The following RPF2 variants were observed in gnomAD, a reference collection of about 807,000 sequenced individuals.
RPF2 encodes brix domain containing 1.
A neutral mutation model predicts 38.9 loss-of-function variants in RPF2; 21 were observed. The ratio of observed to expected loss-of-function variants is 0.54; its 90% CI spans 0.38 to 0.78. RPF2 has a LOEUF of 0.78. RPF2 is among the 30% of genes least tolerant of loss of function. The pLI is 0.00. For synonymous variants in RPF2, 121 were observed against 126.2 expected (o/e 0.96, Z 0.28); for missense variants, 314 against 358.1 (o/e 0.88, Z 0.99).
intron 8 of RPF2, among the ~76,000 whole-genome samples, chr6:111,017,640 A>G (rs62421861): frequency 1.4e-5 from 2 of 144,116 alleles, no homozygotes; most frequent in African/African-American, 2.7e-5. Context: ...GGCGCTCCCC[A>G]CATCTCAGAC....
intron 8 of RPF2, among the ~76,000 whole-genome samples, chr6:111,021,762 G>A (rs888179811): frequency 6.6e-6 from 1 of 152,082 alleles, no homozygotes; most frequent in African/African-American, 2.4e-5. Flanking sequence ...GCATTCTTTG[G>A]GCTAGCTATA....
intron 5 of RPF2, 39 bp downstream of exon 5, chr6:110,997,303 G>A (rs1189733539): frequency 8.0e-7 from 1 of 1,247,332 alleles, no homozygotes; most frequent in Non-Finnish European, 1.2e-6. Context: ...CACTGATAGA[G>A]TCAATTTGTT....
At chr6:111,000,586 A>G (rs540175352) in intron 6 of RPF2, among the ~76,000 whole-genome samples, 1 of 152,294 alleles carries the variant, frequency 6.6e-6, no homozygotes, top group African/African-American at 2.4e-5. Context: ...AAAGTAGTAA[A>G]TGGTAGTAAA....
intron 6 of RPF2, among the ~76,000 whole-genome samples, chr6:111,007,036 C>T (rs759553710): frequency 5.3e-5 from 8 of 151,544 alleles, no homozygotes; most frequent in African/African-American, 1.7e-4. Flanking sequence ...AGTGAAAGTC[C>T]GTCTCAAAAA....
intron 3 of RPF2, among the ~76,000 whole-genome samples, chr6:110,989,945 C>CT (rs201578164): frequency 0.031 from 3,538 of 113,768 alleles, 117 homozygotes; most frequent in African/African-American, 0.11. Context: ...TCTTTCTTTT[C>CT]TTTTTTTTTT....
At chr6:110,989,274 A>G (rs1771577258) in intron 3 of RPF2, among the ~76,000 whole-genome samples, 1 of 152,034 alleles carries the variant, frequency 6.6e-6, no homozygotes, top group Non-Finnish European at 1.5e-5. Context: ...TATATATTTT[A>G]TTTTGAAATA....
intron 4 of RPF2, among the ~76,000 whole-genome samples, chr6:110,994,930 G>T (rs1185430198): frequency 6.6e-6 from 1 of 151,642 alleles, no homozygotes; most frequent in Non-Finnish European, 1.5e-5. Flanking sequence ...ATTGAGACAG[G>T]GTCTCACTCT....
intron 7 of RPF2, among the ~76,000 whole-genome samples, chr6:111,011,215 G>T (rs141935144): frequency 2.0e-4 from 31 of 152,036 alleles, no homozygotes; most frequent in Non-Finnish European, 3.7e-4. Flanking sequence ...ATTCATACAT[G>T]AAAGACAATG....
chr6:110,982,191 G>T, intron 1 of RPF2, 62 bp downstream of exon 1: 1 of 1,574,796 alleles, frequency 6.4e-7, no homozygotes, highest in South Asian at 1.1e-5. Flanking sequence ...TGATGAGGGT[G>T]GTACTGTCTC....
chr6:111,014,285 A>G (rs1374616013), intron 7 of RPF2, among the ~76,000 whole-genome samples: 1 of 151,792 alleles, frequency 6.6e-6, no homozygotes, highest in African/African-American at 2.4e-5. Flanking sequence ...GGCACTTGCC[A>G]CCACACCTGG....
chr6:110,998,980 A>G (rs12193655), intron 5 of RPF2, among the ~76,000 whole-genome samples: 13,698 of 151,940 alleles, frequency 0.09, 692 homozygotes, highest in Middle Eastern at 0.13. Flanking sequence ...TCGGTCAGCA[A>G]GTAAAGAATG....
intron 4 of RPF2, among the ~76,000 whole-genome samples, chr6:110,993,479 C>T (rs1037085461): frequency 3.3e-5 from 5 of 151,972 alleles, no homozygotes; most frequent in African/African-American, 1.2e-4. Flanking sequence ...TTTTTACAGT[C>T]ATTTGTTGAA....
intron 6 of RPF2, among the ~76,000 whole-genome samples, 156 bp from the exon 7 acceptor site, chr6:111,007,882 G>A (rs1004128011): frequency 6.6e-6 from 1 of 152,166 alleles, no homozygotes; most frequent in Non-Finnish European, 1.5e-5. Context: ...GGGAGGTGGA[G>A]GTTGCAGTGA....
rs1216446778 is a variant in RPF2, at chr6:111,027,800, A to G, written c.*2218A>G. ...TCCTATTTGCTGATAGAAGTACCAA[A>G]TAGTATTATTGAAGTCTAACAAAGA... On this transcript the variant is annotated 3_prime_UTR_variant, in exon 10 of 10. Coordinates refer to ENST00000441448, the MANE Select transcript of RPF2 (RefSeq NM_032194.3). The G allele has an allele frequency of 6.6e-6, 1 of 152,236 alleles. No individual in the cohort carries two copies. Among genetic ancestry groups the G allele is most frequent in the African/African-American group, 2.4e-5 (1 of 41,462 alleles). 9.4% of individuals were successfully genotyped at this position (152,236 alleles called of 1,614,324 possible). A position where few individuals can be genotyped will look rare whatever the true frequency, so the allele number is the denominator to read the frequency against.
chr6:111,008,624 T>G (rs9374243), intron 7 of RPF2, among the ~76,000 whole-genome samples: 19,624 of 152,094 alleles, frequency 0.13, 1,759 homozygotes, highest in East Asian at 0.5. Flanking sequence ...ATTTCAAGAT[T>G]GTTTGTATCA....
At chr6:111,015,888 C>T (rs1333506762) in intron 8 of RPF2, 32 bp downstream of exon 8, 1 of 1,466,204 alleles carries the variant, frequency 6.8e-7, no homozygotes, top group Non-Finnish European at 9.6e-7. Flanking sequence ...TTTTCTTAAT[C>T]CTCAGGGTTA....
intron 9 of RPF2, among the ~76,000 whole-genome samples, chr6:111,024,815 G>A (rs886104474): frequency 1.3e-5 from 2 of 152,002 alleles, no homozygotes; most frequent in African/African-American, 4.8e-5. Flanking sequence ...CAACAATAAG[G>A]GATAATAAAA....
At chr6:111,006,559 T>C (rs575716470) in intron 6 of RPF2, among the ~76,000 whole-genome samples, 44 of 152,222 alleles carry the variant, frequency 2.9e-4, no homozygotes, top group African/African-American at 1.0e-3. Context: ...TTTAAAATAC[T>C]TTTTATAGGG....
chr6:111,023,973 C>T (rs1047634074), intron 8 of RPF2, among the ~76,000 whole-genome samples: 14 of 149,976 alleles, frequency 9.3e-5, no homozygotes, highest in East Asian at 4.1e-4. Flanking sequence ...GGGGACAGAG[C>T]GAGACTCCGT....
Sources: allele counts gnomAD v4.1 joint callset (sites outside exome capture counted in the v4.1 genomes callset), GRCh38; gene constraint gnomAD v4.1.1; transcripts MANE v1.5; gene names NCBI Gene and HGNC (gene_info 2026-07-23, HGNC 2026-07-21).